Variants in AIG1 observed in about 807,000 individuals in gnomAD.
The protein encoded by AIG1 is androgen induced 1.
In AIG1, 23 loss-of-function variants were observed where a neutral mutation model predicts 31.4. The ratio of observed to expected loss-of-function variants is 0.73; its 90% CI spans 0.53 to 1.04. The LOEUF (loss-of-function observed/expected upper bound fraction) is 1.04. Ranked by LOEUF, AIG1 falls within the 50% of genes least tolerant of loss-of-function variation. AIG1 has a pLI of 0.00. For missense variants in AIG1, 274 were observed against 295.0 expected (o/e 0.93, Z 0.52); for synonymous variants, 100 against 110.5 (o/e 0.90, Z 0.60).
At chr6:143,098,069 A>G (rs1779950867) in intron 1 of AIG1, among the ~76,000 whole-genome samples, 1 of 152,180 alleles carries the variant, frequency 6.6e-6, no homozygotes, top group African/African-American at 2.4e-5. Context: ...TACACGAAAC[A>G]AGACAAAATA....
intron 3 of AIG1, among the ~76,000 whole-genome samples, chr6:143,206,349 A>C (rs554438668): frequency 1.8e-4 from 27 of 152,290 alleles, no homozygotes; most frequent in Admixed American, 1.6e-3. Flanking sequence ...TCTATCACAA[A>C]AATCTGGAAT....
At chr6:143,342,487 C>G, downstream of AIG1, 1 of 789,394 alleles carries the variant, frequency 1.3e-6, no homozygotes, top group South Asian at 1.3e-5. Context: ...GCTTTGATTC[C>G]TCTGGTGGAA....
chr6:143,230,632 A>G (rs1793374753), intron 3 of AIG1, among the ~76,000 whole-genome samples: 1 of 151,072 alleles, frequency 6.6e-6, no homozygotes, highest in Admixed American at 6.6e-5. Flanking sequence ...AGACAAATAT[A>G]TCATTATATT....
At chr6:143,090,274 CATCT>C (rs1345192542) in intron 1 of AIG1, among the ~76,000 whole-genome samples, 4 of 149,874 alleles carry the variant, frequency 2.7e-5, no homozygotes, top group Admixed American at 2.0e-4. Flanking sequence ...ATATCTCTAT[CATCT>C]ATCTATCTAT....
intron 1 of AIG1, among the ~76,000 whole-genome samples, chr6:143,121,660 G>A (rs1782254668): frequency 6.6e-6 from 1 of 152,166 alleles, no homozygotes; most frequent in African/African-American, 2.4e-5. Flanking sequence ...GAAGGGTCCA[G>A]TTGTGCATGT....
chr6:143,164,357 T>C (rs1786714513), intron 2 of AIG1, among the ~76,000 whole-genome samples: 1 of 152,198 alleles, frequency 6.6e-6, no homozygotes, highest in African/African-American at 2.4e-5. Flanking sequence ...CTCACTATTA[T>C]TTGGAAGAAG....
At chr6:143,188,241 T>G in intron 3 of AIG1, 4 of 989,200 alleles carry the variant, frequency 4.0e-6, no homozygotes, top group Non-Finnish European at 4.8e-6. Flanking sequence ...GTTTCTTTCC[T>G]CAGTAGGCAC....
At chr6:143,305,976 G>A (rs1226473345) in intron 4 of AIG1, among the ~76,000 whole-genome samples, 2 of 151,794 alleles carry the variant, frequency 1.3e-5, no homozygotes, top group Non-Finnish European at 2.9e-5. Flanking sequence ...TTACCATTAT[G>A]TAATGGCCTT....
At chr6:143,306,811 C>A (rs1464806954) in intron 4 of AIG1, among the ~76,000 whole-genome samples, 2 of 152,164 alleles carry the variant, frequency 1.3e-5, no homozygotes, top group Non-Finnish European at 2.9e-5. Context: ...AACTTGGTTC[C>A]ATTCTCCCCG....
intron 3 of AIG1, among the ~76,000 whole-genome samples, chr6:143,186,317 G>A (rs1562470557): frequency 6.6e-6 from 1 of 152,210 alleles, no homozygotes; most frequent in Non-Finnish European, 1.5e-5. Context: ...AAGCAAGGAT[G>A]TTTTTCTCCT....
chr6:143,324,648 C>T (rs1294913444), intron 4 of AIG1, among the ~76,000 whole-genome samples: 1 of 152,144 alleles, frequency 6.6e-6, no homozygotes, highest in Non-Finnish European at 1.5e-5. Context: ...AATACAATAC[C>T]TTCTCCAAAG....
intron 3 of AIG1, among the ~76,000 whole-genome samples, chr6:143,272,966 T>A (rs1355798942): frequency 6.6e-6 from 1 of 152,114 alleles, no homozygotes; most frequent in Non-Finnish European, 1.5e-5. Flanking sequence ...CCATTTCTAC[T>A]AAAAATACAA....
chr6:143,287,454 C>A (rs1001359016), intron 4 of AIG1, among the ~76,000 whole-genome samples: 3 of 152,144 alleles, frequency 2.0e-5, no homozygotes, highest in African/African-American at 7.2e-5. Context: ...ACGGTGCAAG[C>A]CCCATTGTGT....
intron 3 of AIG1, among the ~76,000 whole-genome samples, chr6:143,277,042 C>T (rs1468539317): frequency 6.6e-6 from 1 of 152,164 alleles, no homozygotes; most frequent in Non-Finnish European, 1.5e-5. Context: ...AGAAGCTTTG[C>T]CAAAGATTAG....
intron 1 of AIG1, among the ~76,000 whole-genome samples, chr6:143,081,204 T>C (rs1189219038): frequency 6.6e-6 from 1 of 152,106 alleles, no homozygotes; most frequent in African/African-American, 2.4e-5. Context: ...TAGATGTCGT[T>C]TGAGTGTTTC....
At chr6:143,287,085 G>A (rs9496558) in intron 4 of AIG1, among the ~76,000 whole-genome samples, 12,171 of 151,302 alleles carry the variant, frequency 0.08, 790 homozygotes, top group East Asian at 0.34. Flanking sequence ...TCCATTTGTG[G>A]GAAGCTCTTA....
At chr6:143,128,031 T>A (rs1288598189) in intron 1 of AIG1, among the ~76,000 whole-genome samples, 3 of 152,256 alleles carry the variant, frequency 2.0e-5, no homozygotes, top group East Asian at 3.9e-4. Flanking sequence ...TGTAATGGGA[T>A]GAAATAAAAG....
intron 3 of AIG1, among the ~76,000 whole-genome samples, chr6:143,218,432 T>A (rs551725830): frequency 7.2e-5 from 11 of 152,298 alleles, no homozygotes; most frequent in African/African-American, 2.4e-4. Flanking sequence ...AAAAATAGAA[T>A]AAAATATCAT....
At chr6:143,207,652 C>T (rs957967259) in intron 3 of AIG1, among the ~76,000 whole-genome samples, 1 of 152,118 alleles carries the variant, frequency 6.6e-6, no homozygotes, top group Non-Finnish European at 1.5e-5. Flanking sequence ...AGAATGAAAA[C>T]TCAGGCAACT....
Sources: gnomAD v4.1 joint callset for allele counts (sites outside exome capture counted in the v4.1 genomes callset) on GRCh38, gnomAD v4.1.1 for gene constraint, MANE v1.5 for transcripts, NCBI Gene and HGNC (gene_info 2026-07-23, HGNC 2026-07-21) for gene names.